Variants in PTGER4 observed in about 807,000 individuals in gnomAD.
PTGER4 encodes the protein prostaglandin E receptor 4, also known as prostaglandin E2 receptor EP4 subtype.
Under a neutral mutation model 33.2 loss-of-function variants are expected in PTGER4, and 11 were observed. That is an observed-to-expected ratio of 0.33 (90% confidence interval 0.21 to 0.55). The LOEUF is 0.55. Among genes scored for constraint, PTGER4 ranks in the 20% least tolerant of loss-of-function variants. The pLI is 0.92. For synonymous variants in PTGER4, 275 were observed against 281.5 expected (o/e 0.98, Z 0.23); for missense variants, 481 against 650.2 (o/e 0.74, Z 2.83).
chr5:40,701,948 G>T, the PTGER4 span, among the ~76,000 whole-genome samples: 36 of 152,168 alleles, frequency 2.4e-4, no homozygotes, highest in Non-Finnish European at 1.2e-4. Context: ...CCAAGTGAAG[G>T]AGAAATAAGA....
the PTGER4 span, among the ~76,000 whole-genome samples, chr5:40,729,706 T>A: frequency 6.6e-6 from 1 of 152,084 alleles, no homozygotes; most frequent in Non-Finnish European, 1.5e-5. Flanking sequence ...TATTTACTTA[T>A]TTATTTTTTT....
chr5:40,717,186 G>A, the PTGER4 span, among the ~76,000 whole-genome samples: 4 of 134,664 alleles, frequency 3.0e-5, no homozygotes, highest in African/African-American at 8.5e-5. Flanking sequence ...TTGAGATCAC[G>A]CCATTGCACT....
chr5:40,711,968 A>C, the PTGER4 span, among the ~76,000 whole-genome samples: 1 of 152,156 alleles, frequency 6.6e-6, no homozygotes, highest in African/African-American at 2.4e-5. Flanking sequence ...GGTGATGGAC[A>C]CACACTATAT....
the PTGER4 span, among the ~76,000 whole-genome samples, chr5:40,722,148 T>C: frequency 6.6e-6 from 1 of 151,470 alleles, no homozygotes; most frequent in Non-Finnish European, 1.5e-5. Context: ...GAGGTTGCAG[T>C]GAGCCGAGAT....
At chr5:40,710,513 G>A in the PTGER4 span, among the ~76,000 whole-genome samples, 2 of 152,196 alleles carry the variant, frequency 1.3e-5, no homozygotes, top group African/African-American at 2.4e-5. Flanking sequence ...GTGGAAGACA[G>A]TGTGGCAATT....
the PTGER4 span, among the ~76,000 whole-genome samples, chr5:40,723,123 T>C: frequency 6.6e-6 from 1 of 152,186 alleles, no homozygotes; most frequent in Non-Finnish European, 1.5e-5. Context: ...GCTGTTAATC[T>C]ATAACCTTAC....
At chr5:40,731,335 T>A in the PTGER4 span, among the ~76,000 whole-genome samples, 1 of 150,624 alleles carries the variant, frequency 6.6e-6, no homozygotes, top group Admixed American at 6.7e-5. Context: ...CCACATATCA[T>A]GCCTTTGTTA....
At chr5:40,688,920 G>A (rs1341312110) in intron 2 of PTGER4, among the ~76,000 whole-genome samples, 2 of 152,122 alleles carry the variant, frequency 1.3e-5, no homozygotes, top group Admixed American at 6.5e-5. Flanking sequence ...TTTCATCTTG[G>A]TTAGAGGCAT....
At chr5:40,705,130 T>C in the PTGER4 span, among the ~76,000 whole-genome samples, 2 of 151,952 alleles carry the variant, frequency 1.3e-5, no homozygotes, top group South Asian at 4.1e-4. Context: ...AACAGGCACA[T>C]AGAACAATGG....
At chr5:40,728,376 C>T in the PTGER4 span, 35 of 1,610,174 alleles carry the variant, frequency 2.2e-5, no homozygotes, top group Middle Eastern at 1.6e-4. Context: ...AAGTTGAGCA[C>T]GTCCCAAAGT....
At chr5:40,744,703 C>A in the PTGER4 span, among the ~76,000 whole-genome samples, 1 of 152,112 alleles carries the variant, frequency 6.6e-6, no homozygotes, top group Non-Finnish European at 1.5e-5. Context: ...CATATGTCTT[C>A]TAAAAATCAT....
chr5:40,726,462 CTTT>C, the PTGER4 span, among the ~76,000 whole-genome samples: 2 of 146,402 alleles, frequency 1.4e-5, no homozygotes, highest in African/African-American at 5.0e-5. Flanking sequence ...TTTGAGTCAT[CTTT>C]TTTTTTTACC....
chr5:40,694,864 A>AAACTT (rs936112812), downstream of PTGER4, among the ~76,000 whole-genome samples: 1 of 152,048 alleles, frequency 6.6e-6, no homozygotes, highest in African/African-American at 2.4e-5. Flanking sequence ...TTTATTTGTA[A>AAACTT]AACTTAACAG....
the PTGER4 span, among the ~76,000 whole-genome samples, chr5:40,722,386 G>T: frequency 2.6e-5 from 4 of 151,632 alleles, 1 homozygote; most frequent in South Asian, 8.3e-4. Flanking sequence ...GATGTGAGGA[G>T]CCCCTCTGCC....
chr5:40,687,018 A>G (rs1741339771), intron 2 of PTGER4, among the ~76,000 whole-genome samples: 1 of 152,130 alleles, frequency 6.6e-6, no homozygotes, highest in Non-Finnish European at 1.5e-5. Context: ...CGTTGTTTGT[A>G]TTCAGTGAGT....
chr5:40,738,787 C>T, the PTGER4 span, among the ~76,000 whole-genome samples: 8 of 151,976 alleles, frequency 5.3e-5, no homozygotes, highest in African/African-American at 1.9e-4. Context: ...TTTGAAATTT[C>T]TTGATGACTA....
the PTGER4 span, among the ~76,000 whole-genome samples, chr5:40,703,811 G>C: frequency 6.7e-6 from 1 of 149,616 alleles, no homozygotes; most frequent in African/African-American, 2.5e-5. Context: ...GCTGAGGCAG[G>C]AGAATTGCTT....
the PTGER4 span, among the ~76,000 whole-genome samples, chr5:40,732,926 C>G: frequency 1.6e-3 from 240 of 152,126 alleles, no homozygotes; most frequent in Non-Finnish European, 1.4e-3. Flanking sequence ...CAGATTCTAT[C>G]TACCTCATTT....
Position 40,692,459 on chromosome 5 carries a change from T to C in PTGER4, c.*81T>C. 1.3e-6 allele frequency: 2 copies of C among 1,502,060 alleles called. No individual in the cohort carries two copies. Among genetic ancestry groups the C allele is most frequent in the South Asian group, 1.4e-5 (1 of 73,888 alleles). 93.0% of individuals were successfully genotyped at this position (1,502,060 alleles called of 1,614,324 possible). The stretch of plus-strand genomic sequence containing the variant: ...TAGACACATACATGTCACATTTAGC[T>C]GTGCTCAGAAGGGCTATCATCATCC... On this transcript the variant is annotated 3_prime_UTR_variant, in exon 3 of 3. Coordinates refer to ENST00000302472, the MANE Select transcript of PTGER4 (RefSeq NM_000958.3).
Sources: allele counts gnomAD v4.1 joint callset (sites outside exome capture counted in the v4.1 genomes callset), GRCh38; gene constraint gnomAD v4.1.1; transcripts MANE v1.5; gene names NCBI Gene and HGNC (gene_info 2026-07-23, HGNC 2026-07-21).